Variants in CACNB2 observed in about 807,000 individuals in gnomAD.
CACNB2 encodes the protein calcium voltage-gated channel auxiliary subunit beta 2.
Under a neutral mutation model 73.3 loss-of-function variants are expected in CACNB2, and 42 were observed. The observed-to-expected ratio is 0.57, with a 90% CI of 0.45 to 0.74. The LOEUF is 0.74. CACNB2 is among the 30% of genes least tolerant of loss of function. The pLI, the probability that CACNB2 is intolerant of heterozygous loss-of-function variation, is 0.00. For missense variants in CACNB2, 940 were observed against 853.0 expected (o/e 1.10, Z -1.27); for synonymous variants, 348 against 310.3 (o/e 1.12, Z -1.28).
intron 2 of CACNB2, among the ~76,000 whole-genome samples, chr10:18,262,601 G>A (rs752586191): frequency 1.8e-4 from 27 of 152,084 alleles, no homozygotes; most frequent in Non-Finnish European, 3.7e-4. Context: ...GGGAATAAGT[G>A]TTACAAACTT....
At chr10:18,437,275 A>T (rs776465656) in intron 3 of CACNB2, among the ~76,000 whole-genome samples, 38 of 152,340 alleles carry the variant, frequency 2.5e-4, no homozygotes, top group Middle Eastern at 3.4e-3. Flanking sequence ...TAAAAATTAA[A>T]TATGGATAAG....
At chr10:18,244,787 A>T (rs147646489) in intron 2 of CACNB2, among the ~76,000 whole-genome samples, 38 of 152,334 alleles carry the variant, frequency 2.5e-4, no homozygotes, top group African/African-American at 8.4e-4. Flanking sequence ...CTTATGTGGC[A>T]AATAAAATTT....
chr10:18,237,888 A>C (rs1348355515), intron 2 of CACNB2, among the ~76,000 whole-genome samples: 1 of 152,206 alleles, frequency 6.6e-6, no homozygotes, highest in Non-Finnish European at 1.5e-5. Context: ...CAGACAGGGG[A>C]TCTTTTGCTA....
chr10:18,312,438 T>G (rs2039996946), intron 2 of CACNB2, among the ~76,000 whole-genome samples: 1 of 152,240 alleles, frequency 6.6e-6, no homozygotes, highest in Non-Finnish European at 1.5e-5. Context: ...CACAAAGGAA[T>G]AATTTATATC....
At chr10:18,398,734 T>C (rs1388957691) in intron 2 of CACNB2, among the ~76,000 whole-genome samples, 8 of 151,720 alleles carry the variant, frequency 5.3e-5, no homozygotes, top group Admixed American at 5.3e-4. Flanking sequence ...TGTGTGAAAG[T>C]ATATACTATC....
At chr10:18,299,619 G>C (rs1291400538) in intron 2 of CACNB2, among the ~76,000 whole-genome samples, 2 of 152,166 alleles carry the variant, frequency 1.3e-5, no homozygotes, top group Non-Finnish European at 2.9e-5. Flanking sequence ...GCTGAGGTGG[G>C]AGGATCAATT....
At chr10:18,446,974 G>C (rs1485802134) in intron 3 of CACNB2, among the ~76,000 whole-genome samples, 2 of 151,996 alleles carry the variant, frequency 1.3e-5, no homozygotes, top group Non-Finnish European at 2.9e-5. Flanking sequence ...TAGGAGGATT[G>C]GATGAGCACA....
chr10:18,304,015 G>C (rs563514073), intron 2 of CACNB2, among the ~76,000 whole-genome samples: 18 of 152,312 alleles, frequency 1.2e-4, no homozygotes, highest in African/African-American at 4.3e-4. Flanking sequence ...GAGTGCAGTA[G>C]CACAGTCACA....
chr10:18,481,230 A>AT lies in CACNB2; in HGVS notation c.334-17091dup, dbSNP rs1183940542. ...TATATATATATATATATATATATAT[A>AT]TTTTTTTTTTTTTTTTTTTTTTTTT... On this transcript the variant is annotated intron_variant, in intron 3 of 13. Coordinates refer to ENST00000324631, the MANE Select transcript of CACNB2 (RefSeq NM_201596.3). 1.4e-3 allele frequency among the ~76,000 whole-genome samples: 26 copies of AT among 17,984 alleles called. 3 individuals are homozygous for AT. The highest frequency in any genetic ancestry group is 2.8e-3 in the African/African-American group (12 of 4,224). The allele number at this position is 17,984 out of a possible 152,430, so 11.8% of individuals were successfully genotyped here.
chr10:18,347,833 G>A (rs75152088), intron 2 of CACNB2, among the ~76,000 whole-genome samples: 5,932 of 152,194 alleles, frequency 0.039, 193 homozygotes, highest in African/African-American at 0.09. Flanking sequence ...GACTATTTTC[G>A]TGACTTCGCT....
intron 3 of CACNB2, among the ~76,000 whole-genome samples, chr10:18,429,599 G>A (rs1327696685): frequency 6.6e-6 from 1 of 151,662 alleles, no homozygotes; most frequent in Non-Finnish European, 1.5e-5. Flanking sequence ...GGCCAAGGCG[G>A]GGGTATCACT....
chr10:18,514,197 C>T, intron 6 of CACNB2, 39 bp from the exon 7 acceptor site: 1 of 1,609,766 alleles, frequency 6.2e-7, no homozygotes, highest in Non-Finnish European at 8.5e-7. Context: ...CCTATTTTTC[C>T]TCTCCTGTCC....
intron 2 of CACNB2, among the ~76,000 whole-genome samples, chr10:18,349,148 A>G (rs2041599946): frequency 6.6e-6 from 1 of 152,110 alleles, no homozygotes; most frequent in Non-Finnish European, 1.5e-5. Context: ...GCCTTTCTTC[A>G]CTTCTTTGTT....
At chr10:18,336,559 C>A (rs535208956) in intron 2 of CACNB2, among the ~76,000 whole-genome samples, 5 of 151,870 alleles carry the variant, frequency 3.3e-5, no homozygotes, top group African/African-American at 1.2e-4. Context: ...GCGGAGGCTG[C>A]AATGAGCCAA....
intron 3 of CACNB2, among the ~76,000 whole-genome samples, chr10:18,431,025 T>G (rs1192930422): frequency 6.6e-6 from 1 of 152,234 alleles, no homozygotes; most frequent in Non-Finnish European, 1.5e-5. Context: ...TCACCCAGGT[T>G]GGAGTGCAGT....
chr10:18,209,211 AT>A (rs1055526111), intron 2 of CACNB2, among the ~76,000 whole-genome samples: 3 of 152,026 alleles, frequency 2.0e-5, no homozygotes, highest in African/African-American at 7.2e-5. Context: ...ATGTGGCTTA[AT>A]TTTTTTTAAT....
chr10:18,247,254 C>T (rs2036901874), intron 2 of CACNB2, among the ~76,000 whole-genome samples: 1 of 152,176 alleles, frequency 6.6e-6, no homozygotes, highest in African/African-American at 2.4e-5. Context: ...TCATAATTAC[C>T]CAGTAAAGCT....
chr10:18,402,427 T>C (rs1011627937), intron 3 of CACNB2, among the ~76,000 whole-genome samples: 1 of 152,112 alleles, frequency 6.6e-6, no homozygotes, highest in African/African-American at 2.4e-5. Flanking sequence ...CAAGCTATTG[T>C]TTATTTTCTT....
At chr10:18,226,705 G>A (rs1330852506) in intron 2 of CACNB2, among the ~76,000 whole-genome samples, 7 of 152,122 alleles carry the variant, frequency 4.6e-5, no homozygotes, top group Admixed American at 4.6e-4. Flanking sequence ...CTGTTTAATG[G>A]TTTACAAACA....
Sources: allele counts gnomAD v4.1 joint callset (sites outside exome capture counted in the v4.1 genomes callset), GRCh38; gene constraint gnomAD v4.1.1; transcripts MANE v1.5; gene names NCBI Gene and HGNC (gene_info 2026-07-23, HGNC 2026-07-21).